DLG2: variants seen among roughly 807,000 people sequenced by gnomAD.
DLG2 encodes discs large MAGUK scaffold protein 2, also known as disks large homolog 2.
DLG2 carries 45 observed loss-of-function variants against 132.5 expected under a neutral mutation model. The ratio of observed to expected loss-of-function variants is 0.34; its 90% CI spans 0.27 to 0.44. The LOEUF is 0.44. Ranked by LOEUF, DLG2 falls within the 20% of genes least tolerant of loss-of-function variation. The pLI, the probability that DLG2 is intolerant of heterozygous loss-of-function variation, is 1.00. For missense variants in DLG2, 1,045 were observed against 1,196.9 expected (o/e 0.87, Z 1.87); for synonymous variants, 424 against 419.6 (o/e 1.01, Z -0.13).
intron 6 of DLG2, among the ~76,000 whole-genome samples, chr11:84,758,382 T>A (rs1009294302): frequency 1.3e-5 from 2 of 152,254 alleles, no homozygotes; most frequent in Non-Finnish European, 2.9e-5. Context: ...TTTGCCCTCA[T>A]CAATGTTGTC....
chr11:85,194,410 G>T (rs1349249112), intron 4 of DLG2, among the ~76,000 whole-genome samples: 2 of 152,032 alleles, frequency 1.3e-5, no homozygotes, highest in Non-Finnish European at 2.9e-5. Flanking sequence ...TATATTCATT[G>T]TTTTGGTCCC....
intron 3 of DLG2, among the ~76,000 whole-genome samples, chr11:85,374,083 A>G (rs1446113299): frequency 6.6e-6 from 1 of 152,140 alleles, no homozygotes; most frequent in Admixed American, 6.5e-5. Flanking sequence ...TTTCAGGGCC[A>G]CTGACCTAAG....
intron 3 of DLG2, among the ~76,000 whole-genome samples, chr11:85,582,658 T>TACAAAAA (rs2078613552): frequency 9.5e-5 from 1 of 10,534 alleles, no homozygotes; most frequent in African/African-American, 3.3e-4. Flanking sequence ...ACCCCATCTC[T>TACAAAAA]ACAAAAAAAA....
chr11:83,804,280 A>G (rs547238159), intron 17 of DLG2, among the ~76,000 whole-genome samples: 1 of 152,208 alleles, frequency 6.6e-6, no homozygotes, highest in East Asian at 1.9e-4. Flanking sequence ...ATGAAAATCA[A>G]CTTGTATTCA....
At chr11:85,048,880 G>A (rs1434703936) in intron 6 of DLG2, among the ~76,000 whole-genome samples, 1 of 151,992 alleles carries the variant, frequency 6.6e-6, no homozygotes. Context: ...ATGGAGAAAT[G>A]AATAATGTGT....
chr11:84,007,593 G>T (rs1165407692), intron 11 of DLG2, among the ~76,000 whole-genome samples: 1 of 151,422 alleles, frequency 6.6e-6, no homozygotes, highest in Non-Finnish European at 1.5e-5. Context: ...CATCTTTAAT[G>T]ACTGCTTAAA....
intron 3 of DLG2, among the ~76,000 whole-genome samples, chr11:85,288,678 A>C (rs1595964218): frequency 6.6e-6 from 1 of 152,104 alleles, no homozygotes; most frequent in Non-Finnish European, 1.5e-5. Flanking sequence ...AAAACTAAAA[A>C]TAAAGGGAAA....
At chr11:84,837,480 G>C (rs559763588) in intron 6 of DLG2, among the ~76,000 whole-genome samples, 24 of 151,836 alleles carry the variant, frequency 1.6e-4, no homozygotes, top group Middle Eastern at 6.8e-3. Flanking sequence ...TCTCCTAGAT[G>C]GCTCCTAGTA....
intron 6 of DLG2, among the ~76,000 whole-genome samples, chr11:84,838,329 T>C (rs1389756300): frequency 5.9e-5 from 9 of 151,776 alleles, no homozygotes; most frequent in Non-Finnish European, 7.4e-5. Context: ...TCACCAACAA[T>C]TGATACTGGG....
At chr11:84,440,757 A>T (rs1157231391) in intron 7 of DLG2, among the ~76,000 whole-genome samples, 1 of 152,192 alleles carries the variant, frequency 6.6e-6, no homozygotes, top group Non-Finnish European at 1.5e-5. Flanking sequence ...CCATTTAAGC[A>T]GCTTTGGGTT....
At chr11:84,492,364 A>G (rs1290313310) in intron 7 of DLG2, among the ~76,000 whole-genome samples, 1 of 152,162 alleles carries the variant, frequency 6.6e-6, no homozygotes, top group Non-Finnish European at 1.5e-5. Context: ...AGTGGGTGAT[A>G]TAACTCCAGC....
chr11:84,747,708 G>C (rs907990732), intron 6 of DLG2, among the ~76,000 whole-genome samples: 4 of 152,068 alleles, frequency 2.6e-5, no homozygotes, highest in African/African-American at 9.7e-5. Context: ...TATCAGTTTA[G>C]TTCAAATAAT....
intron 6 of DLG2, among the ~76,000 whole-genome samples, chr11:84,709,020 A>G (rs1203760425): frequency 2.6e-5 from 4 of 151,964 alleles, no homozygotes. Flanking sequence ...AACAAAAGCT[A>G]TAATAACACA....
At chr11:84,564,128 G>A (rs752677312) in intron 6 of DLG2, among the ~76,000 whole-genome samples, 6 of 152,186 alleles carry the variant, frequency 3.9e-5, no homozygotes, top group Non-Finnish European at 8.8e-5. Flanking sequence ...TTTATCCAGG[G>A]TAAGCCTATT....
intron 6 of DLG2, among the ~76,000 whole-genome samples, chr11:84,883,136 A>T (rs562406441): frequency 1.1e-4 from 16 of 152,308 alleles, no homozygotes; most frequent in African/African-American, 3.8e-4. Context: ...GCCATAAAAA[A>T]GGATGAGTTC....
At chr11:84,509,289 G>T (rs1212887574) in intron 7 of DLG2, among the ~76,000 whole-genome samples, 4 of 152,108 alleles carry the variant, frequency 2.6e-5, no homozygotes, top group African/African-American at 9.7e-5. Context: ...AAATAAGATG[G>T]CCTCTACTTT....
chr11:84,053,407 G>A lies in DLG2; in HGVS notation c.919+5908C>T, dbSNP rs114578270. ...CCTATGTAACAAACCTGCACATCCT[G>A]CACATATACCTCTGAACTTAAATTA... is the stretch of plus-strand genomic sequence containing the variant. On this transcript the variant is annotated intron_variant, in intron 11 of 27. Transcript: ENST00000376104. Among the ~76,000 whole-genome samples, 894 of 151,984 alleles carry A rather than the reference G, an allele frequency of 5.9e-3. 8 individuals are homozygous for A. The highest frequency in any genetic ancestry group is 0.021 in the African/African-American group (864 of 41,478).
chr11:84,849,235 C>G (rs529664634), intron 6 of DLG2, among the ~76,000 whole-genome samples: 2 of 152,266 alleles, frequency 1.3e-5, no homozygotes, highest in Admixed American at 1.3e-4. Flanking sequence ...TCATAGAACA[C>G]TGAGAGATAA....
intron 6 of DLG2, among the ~76,000 whole-genome samples, chr11:85,103,634 T>C (rs1485758728): frequency 6.6e-6 from 1 of 151,822 alleles, no homozygotes; most frequent in Non-Finnish European, 1.5e-5. Context: ...TAAAAGAAAA[T>C]GTAGAAGGAA....
Sources: gnomAD v4.1 joint callset for allele counts (sites outside exome capture counted in the v4.1 genomes callset) on GRCh38, gnomAD v4.1.1 for gene constraint, MANE v1.5 for transcripts, NCBI Gene and HGNC (gene_info 2026-07-23, HGNC 2026-07-21) for gene names.